PFKFB3: variants seen among roughly 807,000 people sequenced by gnomAD.
The protein encoded by PFKFB3 is 6-phosphofructo-2-kinase/fructose-2,6-bisphosphatase 3.
Under a neutral mutation model 68.0 loss-of-function variants are expected in PFKFB3, and 33 were observed. That is an observed-to-expected ratio of 0.49 (90% CI 0.37 to 0.65). The LOEUF is 0.65. PFKFB3 is among the 30% of genes least tolerant of loss of function. The pLI is 0.00. For missense variants in PFKFB3, 586 were observed against 712.2 expected (o/e 0.82, Z 2.02); for synonymous variants, 315 against 288.2 (o/e 1.09, Z -0.94).
At position 6,165,109 on chromosome 10, in the gene PFKFB3, G is replaced by C. The variant is rs189944446; in HGVS notation, c.16+20096G>C. Among the ~76,000 whole-genome samples the C allele has an allele frequency of 7.9e-5, 12 of 152,244 alleles. No homozygotes were observed. The East Asian group carries it at 1.9e-3, about 24-fold the overall frequency. ...AGGCCATATCTCAGGCTGTCTCAGTGGGGGGAAACCTTGGACAATACCCAG... is the reference window on the plus strand; with the variant it reads ...AGGCCATATCTCAGGCTGTCTCAGTCGGGGGAAACCTTGGACAATACCCAG... On this transcript the variant is annotated intron_variant, in intron 1 of 14. Coordinates refer to the PFKFB3 transcript ENST00000379789.
chr10:6,276,025 C>T, the PFKFB3 span, among the ~76,000 whole-genome samples: 2 of 152,038 alleles, frequency 1.3e-5, no homozygotes, highest in Admixed American at 6.6e-5. Flanking sequence ...TTCATGGCAC[C>T]TTGTATTTGA....
intron 14 of PFKFB3, chr10:6,231,721 C>G: frequency 2.7e-6 from 1 of 367,252 alleles, no homozygotes; most frequent in Non-Finnish European, 3.8e-6. Flanking sequence ...GAGAATTGCC[C>G]CCTCCCAGTG....
downstream of PFKFB3, among the ~76,000 whole-genome samples, chr10:6,240,056 T>C (rs1327502171): frequency 6.6e-6 from 1 of 152,206 alleles, no homozygotes; most frequent in African/African-American, 2.4e-5. Flanking sequence ...TTCACCCTTT[T>C]CTAAAACAGA....
chr10:6,233,706 C>CT lies in PFKFB3; in HGVS notation c.*766dup, dbSNP rs2132059437. The stretch of plus-strand genomic sequence containing the variant: ...GGGCCCCTCTCTCCTCCCACCTGGA[C>CT]TTGGGGGGAACTGAGAAACACTTTC... On this transcript the variant is annotated 3_prime_UTR_variant, in exon 15 of 15. Coordinates refer to ENST00000379775, the MANE Select transcript of PFKFB3 (RefSeq NM_004566.4). 6.5e-6 allele frequency: 1 copy of CT among 153,010 alleles called. No homozygotes were observed. Among genetic ancestry groups the CT allele is most frequent in the South Asian group, 2.1e-4 (1 of 4,828 alleles). 9.5% of individuals were successfully genotyped at this position (153,010 alleles called of 1,614,324 possible).
chr10:6,177,359 T>TCTTG (rs1491344766), intron 1 of PFKFB3, among the ~76,000 whole-genome samples: 1 of 73,998 alleles, frequency 1.4e-5, no homozygotes, highest in African/African-American at 4.2e-5. Context: ...CTTTTCTCTT[T>TCTTG]CTTTCTTTCT....
chr10:6,324,258 T>A, the PFKFB3 span, among the ~76,000 whole-genome samples: 8 of 152,074 alleles, frequency 5.3e-5, no homozygotes, highest in African/African-American at 1.9e-4. Context: ...CCCAGAGTAG[T>A]CAAATTCATA....
chr10:6,236,248 T>C (rs138018982), downstream of PFKFB3, among the ~76,000 whole-genome samples: 566 of 152,364 alleles, frequency 3.7e-3, 3 homozygotes, highest in Non-Finnish European at 6.5e-3. Context: ...CTGTGACTTC[T>C]TTGCCGCTCA....
chr10:6,262,394 G>A, the PFKFB3 span, among the ~76,000 whole-genome samples: 1 of 137,852 alleles, frequency 7.3e-6, no homozygotes, highest in Non-Finnish European at 1.5e-5. Flanking sequence ...GGCGGAGCCT[G>A]CAGTGAGCAG....
chr10:6,153,142 A>G (rs563867985), intron 1 of PFKFB3, among the ~76,000 whole-genome samples: 1 of 151,974 alleles, frequency 6.6e-6, no homozygotes, highest in East Asian at 1.9e-4. Context: ...ACTGCACTCC[A>G]GCCTGGGAGA....
intron 1 of PFKFB3, among the ~76,000 whole-genome samples, chr10:6,165,029 A>T (rs1842086922): frequency 6.6e-6 from 1 of 151,524 alleles, no homozygotes; most frequent in South Asian, 2.1e-4. Context: ...ACTTCTCAGT[A>T]CAGACCCTTT....
intron 1 of PFKFB3, among the ~76,000 whole-genome samples, chr10:6,194,513 G>A (rs1044653166): frequency 6.6e-6 from 1 of 152,226 alleles, no homozygotes; most frequent in African/African-American, 2.4e-5. Flanking sequence ...GTTGGAGGGG[G>A]ATGCAGGCTT....
At chr10:6,275,142 T>TC in the PFKFB3 span, among the ~76,000 whole-genome samples, 1 of 152,206 alleles carries the variant, frequency 6.6e-6, no homozygotes, top group Non-Finnish European at 1.5e-5. This position sits in a 1 kb window ranked among gnomAD's most constrained non-coding sequence, Gnocchi z 4.9. Flanking sequence ...TGCTTAAGAC[T>TC]CAGTGACCCT....
intron 11 of PFKFB3, among the ~76,000 whole-genome samples, chr10:6,223,353 G>A (rs1279455825): frequency 6.6e-6 from 1 of 152,234 alleles, no homozygotes; most frequent in African/African-American, 2.4e-5. Context: ...CCATTGAAAT[G>A]TTAAGTCTTA....
At chr10:6,248,965 G>C (rs1370681454) in intron 14 of PFKFB3, among the ~76,000 whole-genome samples, 1 of 152,012 alleles carries the variant, frequency 6.6e-6, no homozygotes, top group Admixed American at 6.6e-5. Context: ...CCTGAGGTCG[G>C]GAATTCGAGA....
chr10:6,285,186 T>A, the PFKFB3 span, among the ~76,000 whole-genome samples: 1 of 152,200 alleles, frequency 6.6e-6, no homozygotes, highest in South Asian at 2.1e-4. Flanking sequence ...GCAGTACCAT[T>A]TTCATTTCTA....
the PFKFB3 span, among the ~76,000 whole-genome samples, chr10:6,297,206 G>C: frequency 1.3e-5 from 2 of 152,198 alleles, no homozygotes; most frequent in Non-Finnish European, 2.9e-5. Flanking sequence ...TGCTGGAAGA[G>C]CAGCCCAGGG....
chr10:6,235,170 C>T lies in PFKFB3; in HGVS notation c.*2228C>T, dbSNP rs1216699971. The T allele has an allele frequency of 6.5e-6, 1 of 152,714 alleles. No individual in the cohort carries two copies. The highest frequency in any genetic ancestry group is 1.9e-4 in the East Asian group (1 of 5,338). 9.5% of individuals were successfully genotyped at this position (152,714 alleles called of 1,614,324 possible). ...GAGTTTCCCCCCTCCTTATTCTGTC[C>T]TGAGACCACGGGCAAAGCTCTTCAT... On this transcript the variant is annotated 3_prime_UTR_variant, in exon 15 of 15. Coordinates refer to ENST00000379775, the MANE Select transcript of PFKFB3 (RefSeq NM_004566.4).
intron 1 of PFKFB3, among the ~76,000 whole-genome samples, chr10:6,206,452 T>C (rs1843697707): frequency 8.3e-6 from 1 of 120,918 alleles, no homozygotes; most frequent in Non-Finnish European, 1.7e-5. Flanking sequence ...TGGCCCGTTC[T>C]CAATGAGCTG....
At chr10:6,197,533 T>C (rs541945730) in intron 1 of PFKFB3, 25 of 152,376 alleles carry the variant, frequency 1.6e-4, no homozygotes, top group African/African-American at 5.8e-4. Flanking sequence ...CATGACTGTA[T>C]TTCTTTTCTT....
Sources: allele counts gnomAD v4.1 joint callset (sites outside exome capture counted in the v4.1 genomes callset), GRCh38; gene constraint gnomAD v4.1.1; non-coding constraint Gnocchi (gnomAD v3.1); transcripts MANE v1.5; gene names NCBI Gene and HGNC (gene_info 2026-07-23, HGNC 2026-07-21).